SEC22A: variants seen among roughly 807,000 people sequenced by gnomAD.
SEC22A encodes SEC22 homolog A, vesicle trafficking protein.
Under a neutral mutation model 35.3 loss-of-function variants are expected in SEC22A, and 22 were observed. The observed-to-expected ratio is 0.62, with a 90% CI of 0.45 to 0.89. SEC22A has a LOEUF of 0.89. Ranked by LOEUF, SEC22A falls within the 40% of genes least tolerant of loss-of-function variation. The probability of loss-of-function intolerance (pLI) is 0.00; values close to 1 mark genes in which losing one functional copy is unlikely to be tolerated. For synonymous variants in SEC22A, 119 were observed against 129.5 expected, an observed-to-expected ratio of 0.92 and a Z score of 0.55; for missense variants, 354 against 362.5, an observed-to-expected ratio of 0.98 and a Z score of 0.19.
intron 2 of SEC22A, among the ~76,000 whole-genome samples, chr3:123,213,194 A>T (rs1936968361): frequency 6.6e-6 from 1 of 152,148 alleles, no homozygotes; most frequent in Non-Finnish European, 1.5e-5. Context: ...AAGGACCTGG[A>T]TTTCATATGT....
At chr3:123,223,197 G>A (rs1343096182) in intron 2 of SEC22A, among the ~76,000 whole-genome samples, 1 of 152,146 alleles carries the variant, frequency 6.6e-6, no homozygotes, top group Non-Finnish European at 1.5e-5. Context: ...AATCTTGAAA[G>A]GGTTCTGGAC....
Position 123,209,367 on chromosome 3 carries a change from A to G in SEC22A, c.150A>G (p.Arg50=). The stretch of plus-strand genomic sequence containing the variant: ...GGAAACTTGCTCAACTTCCTGATAG[A>G]TGTACACTGAAAACTGGACATTATA... ...LSRKLAQLPD[R]CTLKTGHYNI... The change falls in exon 2 of 7, where the codon AGA becomes AGG. Residue 50 remains arginine, a synonymous_variant. Transcript: ENST00000492595. 1 of 1,613,824 alleles carries G rather than the reference A, an allele frequency of 6.2e-7. No individual in the cohort carries two copies. Among genetic ancestry groups the G allele is most frequent in the Non-Finnish European group, 8.5e-7 (1 of 1,179,792 alleles).
chr3:123,249,037 C>T lies in SEC22A; in HGVS notation c.657+3023C>T, dbSNP rs1937589212. 2.0e-5 allele frequency among the ~76,000 whole-genome samples: 3 copies of T among 152,170 alleles called. No homozygotes were observed. The South Asian group carries it at 6.2e-4, about 32-fold the overall frequency. On this transcript the variant is annotated intron_variant, in intron 5 of 6. Coordinates refer to ENST00000492595, the MANE Select transcript of SEC22A (RefSeq NM_012430.5). ...CAATTGGAAGTTCCCACAACCCCCT[C>T]CTTGGATTCAATAATCTACTAGAAT... is the stretch of plus-strand genomic sequence containing the variant.
At chr3:123,241,310 A>T (rs1937518678) in intron 4 of SEC22A, among the ~76,000 whole-genome samples, 1 of 152,178 alleles carries the variant, frequency 6.6e-6, no homozygotes, top group Non-Finnish European at 1.5e-5. Flanking sequence ...ACTGATGAAA[A>T]GAATAGTGTG....
chr3:123,249,822 C>G (rs933076473), intron 5 of SEC22A, among the ~76,000 whole-genome samples: 1 of 152,104 alleles, frequency 6.6e-6, no homozygotes, highest in Non-Finnish European at 1.5e-5. Context: ...CCTCGCCCAG[C>G]CTCAGATGCT....
chr3:123,210,120 A>G (rs1936916237), intron 2 of SEC22A, among the ~76,000 whole-genome samples: 1 of 152,182 alleles, frequency 6.6e-6, no homozygotes, highest in African/African-American at 2.4e-5. Context: ...TGCAGTAGGA[A>G]GCCATTGGGT....
chr3:123,252,138 A>G (rs1937621894), intron 5 of SEC22A, among the ~76,000 whole-genome samples: 1 of 152,170 alleles, frequency 6.6e-6, no homozygotes, highest in African/African-American at 2.4e-5. Context: ...ATTTTCCCTT[A>G]TTGAAGTTTT....
At chr3:123,266,179 T>C (rs920224144) in intron 6 of SEC22A, among the ~76,000 whole-genome samples, 2 of 152,126 alleles carry the variant, frequency 1.3e-5, no homozygotes, top group Non-Finnish European at 2.9e-5. Flanking sequence ...AATTTGCATG[T>C]TCTCTCTTTT....
At chr3:123,218,602 A>G (rs185211820) in intron 2 of SEC22A, among the ~76,000 whole-genome samples, 2 of 152,220 alleles carry the variant, frequency 1.3e-5, no homozygotes, top group East Asian at 3.9e-4. Flanking sequence ...TCCCTCTCTT[A>G]AGGACATGTC....
intron 4 of SEC22A, among the ~76,000 whole-genome samples, chr3:123,230,674 C>T (rs79478196): frequency 0.018 from 2,331 of 126,126 alleles, 40 homozygotes; most frequent in Non-Finnish European, 0.025. Context: ...AGTAAAATAC[C>T]GTACTACCAA....
In SEC22A at chr3:123,260,131, C is replaced by CAAAAAAAAAAAAAAAAA. The variant is rs533386545; in HGVS notation, c.723+564_723+580dup. Among the ~76,000 whole-genome samples the CAAAAAAAAAAAAAAAAA allele has an allele frequency of 3.8e-4, 19 of 49,784 alleles. 2 individuals carry two copies. Among genetic ancestry groups the CAAAAAAAAAAAAAAAAA allele is most frequent in the African/African-American group, 3.9e-4 (4 of 10,160 alleles). 32.7% of individuals were successfully genotyped at this position (49,784 alleles called of 152,430 possible). On this transcript the variant is annotated intron_variant, in intron 6 of 6. Coordinates refer to ENST00000492595, the MANE Select transcript of SEC22A (RefSeq NM_012430.5). ...TGGGCAACAGAGCGAGACTACATCT[C>CAAAAAAAAAAAAAAAAA]AAAAAAAAAAAAAAAAAAAAAAAAA...
chr3:123,222,354 A>G (rs1052081367), intron 2 of SEC22A, among the ~76,000 whole-genome samples: 3 of 151,874 alleles, frequency 2.0e-5, no homozygotes, highest in African/African-American at 7.3e-5. Context: ...ATGCACCACC[A>G]TGCCCAGTTA....
At position 123,254,210 on chromosome 3, in the gene SEC22A, C is replaced by T. The variant is rs72962419; in HGVS notation, c.658-5314C>T. ...CTCATCTTTTTTTTTCTTAAAGAGA[C>T]AGGGTCTCGCTGTGTTGGCCAGGTT... is the stretch of plus-strand genomic sequence containing the variant. On this transcript the variant is annotated intron_variant, in intron 5 of 6. Transcript: ENST00000492595. 7.9e-3 allele frequency among the ~76,000 whole-genome samples: 1,193 copies of T among 151,842 alleles called. 13 individuals carry two copies. The highest frequency in any genetic ancestry group is 0.027 in the African/African-American group (1,108 of 41,392).
At chr3:123,238,389 G>C (rs1008556623) in intron 4 of SEC22A, among the ~76,000 whole-genome samples, 1 of 151,962 alleles carries the variant, frequency 6.6e-6, no homozygotes, top group Admixed American at 6.6e-5. Context: ...GTAGAGACAG[G>C]GTTTCACCAT....
chr3:123,225,067 G>A (rs1937196735), intron 3 of SEC22A, 36 bp from the exon 4 acceptor site: 2 of 1,332,156 alleles, frequency 1.5e-6, no homozygotes, highest in African/African-American at 1.5e-5. Flanking sequence ...TAATTGACAA[G>A]TGACTGCAAG....
At chr3:123,254,226 T>TGA (rs1937671561) in intron 5 of SEC22A, among the ~76,000 whole-genome samples, 1 of 152,174 alleles carries the variant, frequency 6.6e-6, no homozygotes, top group African/African-American at 2.4e-5. Flanking sequence ...CTCGCTGTGT[T>TGA]GGCCAGGTTG....
chr3:123,265,958 G>A (rs369176721), intron 6 of SEC22A, among the ~76,000 whole-genome samples: 3 of 152,226 alleles, frequency 2.0e-5, no homozygotes, highest in African/African-American at 7.2e-5. Flanking sequence ...CGTATAATAA[G>A]TCATAAATTT....
chr3:123,214,889 C>G (rs891855513), intron 2 of SEC22A, among the ~76,000 whole-genome samples: 2 of 152,170 alleles, frequency 1.3e-5, no homozygotes, highest in Non-Finnish European at 2.9e-5. Context: ...CGTATAATCG[C>G]TGTGAGCCTC....
intron 5 of SEC22A, among the ~76,000 whole-genome samples, chr3:123,253,171 C>T (rs1937635538): frequency 6.6e-6 from 1 of 152,062 alleles, no homozygotes; most frequent in Non-Finnish European, 1.5e-5. Context: ...TACCTGGGTC[C>T]CATCTGCCAG....
Sources: allele counts gnomAD v4.1 joint callset (sites outside exome capture counted in the v4.1 genomes callset), GRCh38; gene constraint gnomAD v4.1.1; transcripts MANE v1.5; gene names NCBI Gene and HGNC (gene_info 2026-07-23, HGNC 2026-07-21).